Variants in FHIP1B observed in about 807,000 individuals in gnomAD.
The protein encoded by FHIP1B is FHF complex subunit HOOK-interacting protein 1B.
Under a neutral mutation model 82.2 loss-of-function variants are expected in FHIP1B, and 28 were observed. The observed-to-expected ratio is 0.34, with a 90% CI of 0.25 to 0.47. The LOEUF (loss-of-function observed/expected upper bound fraction) is 0.47, where lower values mean the gene tolerates loss of function less well. FHIP1B is among the 20% of genes least tolerant of loss of function. FHIP1B has a pLI of 1.00. For missense variants in FHIP1B, 1,110 were observed against 1,262.6 expected, an observed-to-expected ratio of 0.88 and a Z score of 1.83; for synonymous variants, 585 against 516.1, an observed-to-expected ratio of 1.13 and a Z score of -1.81.
At chr11:6,222,164 C>T (rs10500660) in intron 6 of FHIP1B, among the ~76,000 whole-genome samples, 38,574 of 152,036 alleles carry the variant, frequency 0.25, 5,909 homozygotes, top group African/African-American at 0.43. Context: ...ACATTACGAA[C>T]ACTGCACAGT....
At chr11:6,232,189 CAG>C (rs1350219829) in intron 1 of FHIP1B, among the ~76,000 whole-genome samples, 4 of 152,208 alleles carry the variant, frequency 2.6e-5, no homozygotes, top group Admixed American at 6.5e-5. Flanking sequence ...ACTATTTCAA[CAG>C]AGTTTGGGAT....
rs185284681 is a variant in FHIP1B at position 6,228,188 on chromosome 11, A to T, written c.-191-3481T>A. Among the ~76,000 whole-genome samples the T allele has an allele frequency of 5.8e-3, 887 of 152,224 alleles. 7 individuals are homozygous for T. Among genetic ancestry groups the T allele is most frequent in the African/African-American group, 0.021 (856 of 41,538 alleles). ...CACGGTGAAACCCCATCTCTATTTT[A>T]AAAAATACAAAATTAGCTGGGTGTG... On this transcript the variant is annotated intron_variant, in intron 1 of 11. Coordinates refer to ENST00000449352, the MANE Select transcript of FHIP1B (RefSeq NM_001098794.2).
At chr11:6,215,550 A>G (rs1305892395) in intron 9 of FHIP1B, among the ~76,000 whole-genome samples, 1 of 152,260 alleles carries the variant, frequency 6.6e-6, no homozygotes, top group African/African-American at 2.4e-5. Context: ...GCCAATTTAA[A>G]GTTAGGGAAA....
chr11:6,229,879 A>C (rs1376820913), intron 1 of FHIP1B, among the ~76,000 whole-genome samples: 1 of 151,910 alleles, frequency 6.6e-6, no homozygotes, highest in Non-Finnish European at 1.5e-5. Context: ...TGGTATTCCT[A>C]TCACCTAATT....
At chr11:6,212,036 G>T in intron 11 of FHIP1B, 169 bp from the exon 12 acceptor site, 1 of 881,768 alleles carries the variant, frequency 1.1e-6, no homozygotes, top group Non-Finnish European at 1.4e-6. Context: ...ACCATTTCCT[G>T]TCCCATCCCT....
intron 6 of FHIP1B, among the ~76,000 whole-genome samples, chr11:6,219,256 T>C (rs1223553449): frequency 6.6e-6 from 1 of 152,232 alleles, no homozygotes; most frequent in Non-Finnish European, 1.5e-5. Context: ...AAGACTTTGC[T>C]ATTCATACAA....
chr11:6,217,118 T>C (rs1436842944), intron 9 of FHIP1B: 1 of 703,110 alleles, frequency 1.4e-6, no homozygotes, highest in Non-Finnish European at 2.6e-6. Flanking sequence ...AGGAGGAACA[T>C]GCACATAGGA....
At position 6,211,408 on chromosome 11, in the gene FHIP1B, TAA is replaced by T; in HGVS notation, c.*96_*97del. ...CATAAAACATTCATCTGAAATAAAT[TAA>T]AAAGTCCTTTTGCCACTGCCTCCAA... On this transcript the variant is annotated 3_prime_UTR_variant, in exon 12 of 12. Transcript: ENST00000449352. 7.1e-7 allele frequency: 1 copy of T among 1,415,490 alleles called. No homozygotes were observed. Among genetic ancestry groups the T allele is most frequent in the Non-Finnish European group, 9.5e-7 (1 of 1,055,878 alleles). 87.7% of individuals were successfully genotyped at this position (1,415,490 alleles called of 1,614,324 possible). A position where few individuals can be genotyped will look rare whatever the true frequency, so the allele number is the denominator to read the frequency against.
chr11:6,221,436 C>G (rs923188532), intron 6 of FHIP1B, among the ~76,000 whole-genome samples: 1 of 152,094 alleles, frequency 6.6e-6, no homozygotes, highest in East Asian at 1.9e-4. Context: ...CCTAGAGGGG[C>G]TTAAGTCTTT....
chr11:6,223,819 C>T lies in FHIP1B; in HGVS notation c.568G>A (p.Glu190Lys), dbSNP rs569341364. 1 of 1,614,220 alleles carries T rather than the reference C, an allele frequency of 6.2e-7. No individual in the cohort carries two copies. The highest frequency in any genetic ancestry group is 2.2e-5 in the East Asian group (1 of 44,880). ...AGGAAGAACTCGAGCAATGAAGGCT[C>T]CTGGGCCACACAAACACACAGCTGG... ...LSQLCVCVAQ[E>K]PSLLEFFLQP... The change falls in exon 3 of 12, where the codon GAG (glutamate) becomes AAG (lysine). Residue 190 changes from glutamate (E) to lysine (K), a missense_variant. This residue lies in a region of FHIP1B where 467 missense variants were observed against 602.9 expected (regional missense o/e 0.77). Coordinates refer to ENST00000449352, the MANE Select transcript of FHIP1B (RefSeq NM_001098794.2). The surrounding 1 kb of genome is among the most constrained non-coding windows in gnomAD (Gnocchi z 4.8).
rs1042750412 is a variant in FHIP1B, at chr11:6,218,214, C to A, written c.1436-64G>T. The A allele has an allele frequency of 4.6e-6, 7 of 1,514,636 alleles. No homozygotes were observed. In the Admixed American group the frequency reaches 9.4e-5, roughly 20 times the overall value. 93.8% of individuals were successfully genotyped at this position (1,514,636 alleles called of 1,614,324 possible). A position where few individuals can be genotyped will look rare whatever the true frequency, so the allele number is the denominator to read the frequency against. On this transcript the variant is annotated intron_variant, in intron 8 of 11. Transcript: ENST00000449352. ...GAGGTTCAGAAGGAGAGATAAGACA[C>A]CTCGGGAGACTAAGAAAGAAGACAA...
At chr11:6,228,079 G>A (rs1847607595) in intron 1 of FHIP1B, among the ~76,000 whole-genome samples, 1 of 152,220 alleles carries the variant, frequency 6.6e-6, no homozygotes, top group African/African-American at 2.4e-5. Flanking sequence ...CAGGCGTGGT[G>A]GCTCATGCCT....
chr11:6,230,378 G>T (rs1847666949), intron 1 of FHIP1B, among the ~76,000 whole-genome samples: 1 of 152,188 alleles, frequency 6.6e-6, no homozygotes, highest in African/African-American at 2.4e-5. Flanking sequence ...ACATAAGGAG[G>T]ATGAATGGGC....
At chr11:6,231,716 G>A (rs1014686945) in intron 1 of FHIP1B, among the ~76,000 whole-genome samples, 1 of 151,906 alleles carries the variant, frequency 6.6e-6, no homozygotes, top group Non-Finnish European at 1.5e-5. Context: ...TCAAAATGTT[G>A]CCCAGGTTGG....
In FHIP1B at chr11:6,217,772, T is replaced by A. The variant is rs1251128517; in HGVS notation, c.1814A>T (p.Asn605Ile). 6.3e-7 allele frequency: 1 copy of A among 1,578,712 alleles called. No homozygotes were observed. The highest frequency in any genetic ancestry group is 1.7e-5 in the Admixed American group (1 of 58,522). ...RSLLPEEDRNNVGEGEEEELG... is the reference protein window; with the variant it reads ...RSLLPEEDRNIVGEGEEEELG... ...CTCTTCCTCCTCCCCTTCCCCCACG[T>A]TGTTCCTGTCCTCCTCAGGCAGTAG... Residue 605 changes from asparagine (N) to isoleucine (I), a missense_variant, in exon 9 of 12, where the codon AAC becomes ATC. Around this residue, in one of 6 missense-constraint regions of FHIP1B, gnomAD observed 418 missense variants for 371.4 expected, o/e 1.13. Transcript: ENST00000449352.
rs1165538583 is a variant in FHIP1B, at chr11:6,222,814, G to GT, written c.1019dup (p.His340GlnfsTer41). ...CCTTGCCACCCATGACTCTCACCTT[G>GT]TGCAAGGCAGGACCCATGACAGGCA... On this transcript the variant is annotated frameshift_variant, in exon 5 of 12. Transcript: ENST00000449352. LOFTEE classifies it high-confidence loss of function. 6.2e-7 allele frequency: 1 copy of GT among 1,614,024 alleles called. No homozygotes were observed. The highest frequency in any genetic ancestry group is 1.7e-5 in the Admixed American group (1 of 60,014).
In FHIP1B at chr11:6,224,552, A is replaced by T; in HGVS notation, c.-36T>A. 1 of 1,570,206 alleles carries T rather than the reference A, an allele frequency of 6.4e-7. No homozygotes were observed. On this transcript the variant is annotated 5_prime_UTR_variant, in exon 2 of 12. Coordinates refer to ENST00000449352, the MANE Select transcript of FHIP1B (RefSeq NM_001098794.2). The stretch of plus-strand genomic sequence containing the variant: ...GGGCAGGACTGGCAGCCAGAGGCCT[A>T]CACTCTGAGGATTTGCCAGCTGGAG...
Position 6,223,021 on chromosome 11 carries a change from A to C in FHIP1B, c.936+59T>G, listed in dbSNP as rs142789873. ...TGGAAAAATGACAGAACTCCAGGGAATATACCCCCTCCTACCTAATCTCCC... is the reference window on the plus strand; with the variant it reads ...TGGAAAAATGACAGAACTCCAGGGACTATACCCCCTCCTACCTAATCTCCC... On this transcript the variant is annotated intron_variant, in intron 4 of 11. Transcript: ENST00000449352. The surrounding 1 kb of genome is among the most constrained non-coding windows in gnomAD (Gnocchi z 4.8). 255 of 1,573,168 alleles carry C rather than the reference A, an allele frequency of 1.6e-4. 1 individual carries two copies. In the African/African-American group the frequency reaches 3.0e-3, roughly 18 times the overall value.
chr11:6,233,941 T>A (rs906770697), intron 1 of FHIP1B, among the ~76,000 whole-genome samples: 2 of 152,158 alleles, frequency 1.3e-5, no homozygotes, highest in African/African-American at 4.8e-5. Context: ...TTCATTACCA[T>A]AGTACTATTG....
Sources: gnomAD v4.1 joint callset for allele counts (sites outside exome capture counted in the v4.1 genomes callset) on GRCh38, gnomAD v4.1.1 for gene constraint, gnomAD v4.1.1 regional missense constraint, Gnocchi (gnomAD v3.1) non-coding constraint, MANE v1.5 for transcripts, NCBI Gene and HGNC (gene_info 2026-07-23, HGNC 2026-07-21) for gene names.